USP36: variants seen among roughly 807,000 people sequenced by gnomAD.
USP36 encodes ubiquitin carboxyl-terminal hydrolase 36.
USP36 carries 59 observed loss-of-function variants against 111.5 expected under a neutral mutation model. The observed-to-expected ratio is 0.53, with a 90% CI of 0.43 to 0.66. USP36 has a LOEUF of 0.66. USP36 is among the 30% of genes least tolerant of loss of function. The probability of loss-of-function intolerance (pLI) is 0.00; values close to 1 mark genes in which losing one functional copy is unlikely to be tolerated. For missense variants in USP36, 1,488 were observed against 1,468.0 expected (o/e 1.01, Z -0.22); for synonymous variants, 628 against 581.0 (o/e 1.08, Z -1.16).
Position 78,799,182 on chromosome 17 carries a change from C to T in USP36, c.3125-159G>A, listed in dbSNP as rs567217359. 1.3e-3 allele frequency among the ~76,000 whole-genome samples: 205 copies of T among 152,274 alleles called. 1 individual carries two copies. Among genetic ancestry groups the T allele is most frequent in the Non-Finnish European group, 1.2e-3 (83 of 68,018 alleles). On this transcript the variant is annotated intron_variant, in intron 18 of 20. Transcript: ENST00000449938. ...GAAGGACAAGAGGAGGACGGCTCGA[C>T]GCCCATGTGTGGTCGGTCAGCATGG...
intron 10 of USP36, among the ~76,000 whole-genome samples, chr17:78,815,141 G>A (rs766296821): frequency 2.0e-5 from 3 of 152,114 alleles, no homozygotes; most frequent in Non-Finnish European, 4.4e-5. Flanking sequence ...AGACCATCGT[G>A]GCCAAGATGG....
chr17:78,821,954 C>T lies in USP36; in HGVS notation c.740G>A (p.Gly247Glu). 1 of 1,614,106 alleles carries T rather than the reference C, an allele frequency of 6.2e-7. No homozygotes were observed. The highest frequency in any genetic ancestry group is 8.5e-7 in the Non-Finnish European group (1 of 1,180,008). ...CCACTTACCGCGTGATCTGAGATAC[C>T]CTCCAAAAATTTGATGGACCAAGGT... ...ATTLVHQIFG[G>E]YLRSRVKCSV... The change falls in exon 7 of 21, where the codon GGG becomes GAG. Residue 247 changes from glycine to glutamate, a missense_variant. Transcript: ENST00000449938.
intron 2 of USP36, among the ~76,000 whole-genome samples, 192 bp from the exon 3 acceptor site, chr17:78,836,564 C>T (rs576690260): frequency 1.3e-5 from 2 of 152,242 alleles, no homozygotes; most frequent in African/African-American, 4.8e-5. Context: ...TATTAGTTCA[C>T]ATTTCCCCCA....
intron 13 of USP36, 87 bp from the exon 14 acceptor site, chr17:78,807,723 T>C (rs528125121): frequency 7.6e-7 from 1 of 1,324,490 alleles, no homozygotes; most frequent in Non-Finnish European, 1.0e-6. Context: ...TGAATCTTAG[T>C]AGCAGGCATG....
chr17:78,839,784 T>C (rs1599126951), intron 1 of USP36, among the ~76,000 whole-genome samples: 1 of 152,050 alleles, frequency 6.6e-6, no homozygotes. Context: ...AGACAAGTGT[T>C]CCTGTAATCA....
intron 14 of USP36, 55 bp from the exon 15 acceptor site, chr17:78,806,341 T>C: frequency 6.3e-7 from 1 of 1,598,478 alleles, no homozygotes; most frequent in South Asian, 1.1e-5. Flanking sequence ...TTTCCGTGAG[T>C]GAAGAGGGAA....
In USP36 at chr17:78,807,429, G is replaced by A; in HGVS notation, c.1615C>T (p.Pro539Ser). The A allele has an allele frequency of 6.2e-7, 1 of 1,614,170 alleles. No individual in the cohort carries two copies. The highest frequency in any genetic ancestry group is 8.5e-7 in the Non-Finnish European group (1 of 1,180,026). The change falls in exon 14 of 21, where the codon CCA becomes TCA. Residue 539 changes from proline (P) to serine (S), a missense_variant. By Grantham distance (74) the Pro-to-Ser change is moderately conservative. This residue lies in a region of USP36 where 1,073 missense variants were observed against 994.1 expected (regional missense o/e 1.08). Transcript: ENST00000449938. Reference protein sequence around the residue: ...LDDPGKKVKKPAPPQHFSPRT... With the variant: ...LDDPGKKVKKSAPPQHFSPRT... Reference sequence around the variant, plus strand: ...GGGGAAAAGTGCTGTGGAGGAGCTGGCTTCTTCACCTTCTTTCCAGGGTCG... The same window carrying A: ...GGGGAAAAGTGCTGTGGAGGAGCTGACTTCTTCACCTTCTTTCCAGGGTCG...
At chr17:78,830,516 G>A (rs1484611298) in intron 4 of USP36, among the ~76,000 whole-genome samples, 2 of 152,126 alleles carry the variant, frequency 1.3e-5, no homozygotes, top group Admixed American at 6.5e-5. Context: ...TAAAGTACAC[G>A]CTCAGAAGAC....
chr17:78,830,348 A>C (rs1396118819), intron 4 of USP36, among the ~76,000 whole-genome samples: 1 of 152,222 alleles, frequency 6.6e-6, no homozygotes, highest in African/African-American at 2.4e-5. Context: ...AGTTCCTTCA[A>C]ATCTTCCAGC....
At chr17:78,825,468 C>A (rs1321671310) in intron 6 of USP36, among the ~76,000 whole-genome samples, 1 of 152,134 alleles carries the variant, frequency 6.6e-6, no homozygotes, top group African/African-American at 2.4e-5. Context: ...CATGGACCGA[C>A]ATCTGGTGAG....
chr17:78,819,642 C>T (rs1043115168), intron 9 of USP36, among the ~76,000 whole-genome samples: 1 of 152,276 alleles, frequency 6.6e-6, no homozygotes, highest in African/African-American at 2.4e-5. Flanking sequence ...CTTCACTTCT[C>T]TGTGCCTCAG....
At chr17:78,822,409 C>T (rs1341944265) in intron 6 of USP36, among the ~76,000 whole-genome samples, 1 of 152,152 alleles carries the variant, frequency 6.6e-6, no homozygotes, top group African/African-American at 2.4e-5. Context: ...GGGCGCCCAC[C>T]CAGCCCACCC....
intron 2 of USP36, 127 bp downstream of exon 2, chr17:78,838,460 G>T (rs2068921049): frequency 6.6e-6 from 1 of 150,964 alleles, no homozygotes; most frequent in African/African-American, 2.4e-5. Context: ...TGTCTGATTT[G>T]AGAAAATAAA....
chr17:78,836,080 G>A, intron 3 of USP36, 31 bp downstream of exon 3: 3 of 1,603,452 alleles, frequency 1.9e-6, no homozygotes, highest in Non-Finnish European at 2.6e-6. Flanking sequence ...CGGAGTGAGG[G>A]CCTCTCTGCC....
At chr17:78,819,806 G>A in intron 9 of USP36, 124 bp downstream of exon 9, 1 of 931,216 alleles carries the variant, frequency 1.1e-6, no homozygotes. Context: ...ACACACATAG[G>A]TTCCTCAAGA....
chr17:78,838,385 A>AC (rs2068897866), intron 2 of USP36, among the ~76,000 whole-genome samples: 1 of 150,276 alleles, frequency 6.7e-6, no homozygotes, highest in Admixed American at 6.6e-5. Context: ...AAAAAAAAAA[A>AC]ACAAAAAACA....
In USP36 at chr17:78,796,920, T is replaced by A. The variant is rs1466815456; in HGVS notation, c.*980A>T. 1.3e-5 allele frequency: 2 copies of A among 152,240 alleles called. No homozygotes were observed. The highest frequency in any genetic ancestry group is 2.9e-5 in the Non-Finnish European group (2 of 68,044). The allele number at this position is 152,240 out of a possible 1,614,324, so 9.4% of individuals were successfully genotyped here. On this transcript the variant is annotated 3_prime_UTR_variant, in exon 21 of 21. Transcript: ENST00000449938. ...TTCCTGTATTTATTAAGTTACAAGT[T>A]GGCAGGCACAGCTTGAGCAACATAG...
At chr17:78,821,404 ATATATATATATATATAT>A (rs1253831652) in intron 7 of USP36, 2 of 62,080 alleles carry the variant, frequency 3.2e-5, no homozygotes, top group South Asian at 8.8e-4. Context: ...ATATATATAT[ATATATATATATATATAT>A]TTTTTTTTTT....
At chr17:78,840,445 G>A (rs1425961175) in intron 1 of USP36, 1 of 152,448 alleles carries the variant, frequency 6.6e-6, no homozygotes, top group Non-Finnish European at 1.5e-5. Flanking sequence ...GGGCCCCGGC[G>A]ACCCCCATCA....
Sources: gnomAD v4.1 joint callset for allele counts (sites outside exome capture counted in the v4.1 genomes callset) on GRCh38, gnomAD v4.1.1 for gene constraint, gnomAD v4.1.1 regional missense constraint, MANE v1.5 for transcripts, NCBI Gene and HGNC (gene_info 2026-07-23, HGNC 2026-07-21) for gene names.